CDKN2B-AS1: variants seen among roughly 807,000 people sequenced by gnomAD.
CDKN2B-AS1 encodes CDKN2B antisense RNA 1 (non-protein coding).
Position 21,997,731 on chromosome 9 carries a change from T to C in CDKN2B-AS1, n.29+2570T>C, listed in dbSNP as rs1449478515. On this transcript the variant is annotated intron_variant and non_coding_transcript_variant, in intron 1 of 4. Coordinates refer to ENST00000650946, the Ensembl canonical transcript of CDKN2B-AS1. The surrounding 1 kb of genome is among the most constrained non-coding windows in gnomAD (Gnocchi z 4.8). The stretch of plus-strand genomic sequence containing the variant: ...TGAGGATAATCTGCTTTTTCAAGTC[T>C]ACTGACTTAAATGTTAATCATATCT... Among the ~76,000 whole-genome samples, 1 of 152,076 alleles carries C rather than the reference T, an allele frequency of 6.6e-6. No individual in the cohort carries two copies. The highest frequency in any genetic ancestry group is 1.5e-5 in the Non-Finnish European group (1 of 68,008).
intron 3 of CDKN2B-AS1, among the ~76,000 whole-genome samples, chr9:22,055,072 T>C (rs1428948495): frequency 6.6e-6 from 1 of 152,220 alleles, no homozygotes; most frequent in African/African-American, 2.4e-5. Flanking sequence ...TTTAAAATTA[T>C]TAAATTCATA....
chr9:22,019,150 A>G (rs1821914946), intron 1 of CDKN2B-AS1, among the ~76,000 whole-genome samples: 1 of 152,242 alleles, frequency 6.6e-6, no homozygotes, highest in Non-Finnish European at 1.5e-5. Context: ...TAGCTGAGAA[A>G]TAAGCATGGA....
At chr9:22,072,954 A>G (rs1476641041) in intron 4 of CDKN2B-AS1, among the ~76,000 whole-genome samples, 1 of 152,232 alleles carries the variant, frequency 6.6e-6, no homozygotes. Flanking sequence ...GAAAGCGTTT[A>G]TGAGAGTAGA....
Position 22,020,868 on chromosome 9 carries a change from C to G in CDKN2B-AS1, n.29+25707C>G, listed in dbSNP as rs1374334258. On this transcript the variant is annotated intron_variant and non_coding_transcript_variant, in intron 1 of 4. Transcript: ENST00000650946. ...GATAGTTTCTTTTACCGTGCAGAAG[C>G]TTTTTAGTTTAATTAGATTGCATTT... Among the ~76,000 whole-genome samples, 5 of 152,136 alleles carry G rather than the reference C, an allele frequency of 3.3e-5. No individual in the cohort carries two copies. The South Asian group carries it at 1.0e-3, about 31-fold the overall frequency.
At chr9:22,015,540 A>G (rs1165842368) in intron 1 of CDKN2B-AS1, among the ~76,000 whole-genome samples, 1 of 152,136 alleles carries the variant, frequency 6.6e-6, no homozygotes, top group African/African-American at 2.4e-5. Context: ...TGTGGAATTT[A>G]TAGATCAATT....
chr9:22,055,115 T>G (rs1262277592), intron 3 of CDKN2B-AS1, among the ~76,000 whole-genome samples: 1 of 152,194 alleles, frequency 6.6e-6, no homozygotes, highest in Non-Finnish European at 1.5e-5. Flanking sequence ...TGCCACTTTA[T>G]TTTTTAAAAA....
chr9:22,011,318 G>C (rs1371353424), intron 1 of CDKN2B-AS1, among the ~76,000 whole-genome samples: 1 of 152,184 alleles, frequency 6.6e-6, no homozygotes, highest in Non-Finnish European at 1.5e-5. Flanking sequence ...TCTGTATAAA[G>C]AATATTATAT....
intron 1 of CDKN2B-AS1, among the ~76,000 whole-genome samples, chr9:22,043,267 T>G (rs1341633797): frequency 6.6e-6 from 1 of 152,096 alleles, no homozygotes; most frequent in East Asian, 1.9e-4. Context: ...CCATGGATTT[T>G]AGTCACTGGT....
chr9:22,020,194 G>A (rs1169605162), intron 1 of CDKN2B-AS1, among the ~76,000 whole-genome samples: 2 of 152,160 alleles, frequency 1.3e-5, no homozygotes, highest in Admixed American at 1.3e-4. Context: ...CCCTGCAAAA[G>A]GACATGCTAT....
intron 3 of CDKN2B-AS1, among the ~76,000 whole-genome samples, chr9:22,052,946 A>G (rs1823416143): frequency 6.6e-6 from 1 of 152,224 alleles, no homozygotes; most frequent in African/African-American, 2.4e-5. Flanking sequence ...AATACCTTCT[A>G]GAGTGTGGCT....
intron 4 of CDKN2B-AS1, among the ~76,000 whole-genome samples, chr9:22,090,620 T>A (rs536102296): frequency 6.6e-6 from 1 of 152,216 alleles, no homozygotes; most frequent in African/African-American, 2.4e-5. Flanking sequence ...GCTGCATAAA[T>A]GTCTTCTTTT....
intron 4 of CDKN2B-AS1, among the ~76,000 whole-genome samples, chr9:22,107,379 A>G (rs1825688001): frequency 6.6e-6 from 1 of 152,208 alleles, no homozygotes; most frequent in Admixed American, 6.5e-5. Flanking sequence ...GGTGTCTTCA[A>G]ACCTAAAGCA....
intron 4 of CDKN2B-AS1, among the ~76,000 whole-genome samples, chr9:22,098,419 A>T (rs1225980775): frequency 6.9e-6 from 1 of 145,488 alleles, no homozygotes; most frequent in African/African-American, 2.5e-5. Flanking sequence ...ATGGGCAAGA[A>T]TTTTTTTTTT....
At chr9:22,106,384 T>G (rs1825660321) in intron 4 of CDKN2B-AS1, among the ~76,000 whole-genome samples, 1 of 152,074 alleles carries the variant, frequency 6.6e-6, no homozygotes, top group East Asian at 1.9e-4. Context: ...CCCGGCCTAA[T>G]TTTTGTATTT....
At chr9:22,115,286 C>G (rs944796) in intron 4 of CDKN2B-AS1, among the ~76,000 whole-genome samples, 22,410 of 152,112 alleles carry the variant, frequency 0.15, 4,887 homozygotes, top group African/African-American at 0.48. Context: ...GGAGGGAAGA[C>G]TGGGGAAGGT....
intron 4 of CDKN2B-AS1, among the ~76,000 whole-genome samples, chr9:22,111,458 T>G (rs1825802699): frequency 6.6e-6 from 1 of 152,178 alleles, no homozygotes; most frequent in Admixed American, 6.6e-5. Context: ...AAGCACATAT[T>G]ATGATTCTAT....
At chr9:22,025,569 C>G (rs894000592) in intron 1 of CDKN2B-AS1, among the ~76,000 whole-genome samples, 3 of 152,164 alleles carry the variant, frequency 2.0e-5, no homozygotes, top group Non-Finnish European at 2.9e-5. Flanking sequence ...AGTCTGTTCA[C>G]TTTTCCATAG....
chr9:22,063,318 T>G (rs566467992), intron 4 of CDKN2B-AS1, among the ~76,000 whole-genome samples: 68 of 152,220 alleles, frequency 4.5e-4, no homozygotes, highest in African/African-American at 1.2e-3. Flanking sequence ...TTCCCCTGAT[T>G]TTACTCTTAC....
At chr9:22,102,207 A>G (rs900173202) in intron 4 of CDKN2B-AS1, among the ~76,000 whole-genome samples, 2 of 152,292 alleles carry the variant, frequency 1.3e-5, no homozygotes, top group East Asian at 1.9e-4. Context: ...TGTTTTTACT[A>G]TAGGCCACTC....
Sources: allele counts gnomAD v4.1 joint callset (sites outside exome capture counted in the v4.1 genomes callset), GRCh38; gene constraint gnomAD v4.1.1; non-coding constraint Gnocchi (gnomAD v3.1); transcripts MANE v1.5; gene names NCBI Gene and HGNC (gene_info 2026-07-23, HGNC 2026-07-21).